CRISP2: variants seen among roughly 807,000 people sequenced by gnomAD.
CRISP2 encodes cysteine rich secretory protein 2.
A neutral mutation model predicts 31.7 loss-of-function variants in CRISP2; 29 were observed. The observed-to-expected ratio is 0.92, with a 90% CI of 0.68 to 1.25. The LOEUF (loss-of-function observed/expected upper bound fraction) is 1.25. Among genes scored for constraint, CRISP2 ranks in the 50% most tolerant of loss-of-function variants. CRISP2 has a pLI of 0.00. For synonymous variants in CRISP2, 111 were observed against 101.4 expected (o/e 1.09, Z -0.57); for missense variants, 318 against 286.5 (o/e 1.11, Z -0.79).
downstream of CRISP2, among the ~76,000 whole-genome samples, chr6:49,690,979 G>C (rs1256675106): frequency 6.6e-6 from 1 of 151,308 alleles, no homozygotes; most frequent in African/African-American, 2.4e-5. Flanking sequence ...CCAGTCACTA[G>C]AGTTAGATAA....
intron 2 of CRISP2, 150 bp from the exon 3 acceptor site, chr6:49,711,471 A>C (rs1332308701): frequency 6.6e-6 from 1 of 152,220 alleles, no homozygotes; most frequent in Non-Finnish European, 1.5e-5. Flanking sequence ...CTTCATTGTC[A>C]GTTGTCTGAT....
Position 49,709,276 on chromosome 6 carries a change from A to G in CRISP2, c.-9-71T>C, listed in dbSNP as rs866408860. On this transcript the variant is annotated intron_variant, in intron 3 of 9. Transcript: ENST00000339139. ...AAAACTTCTAAGAGGGGGAATACCA[A>G]TATAATGATCTCGATTATCTCAAAG... 21 of 1,264,598 alleles carry G rather than the reference A, an allele frequency of 1.7e-5. 1 individual carries two copies. The Middle Eastern group carries it at 4.0e-3, about 238-fold the overall frequency. The allele number at this position is 1,264,598 out of a possible 1,614,324, so 78.3% of individuals were successfully genotyped here.
the CRISP2 span, among the ~76,000 whole-genome samples, chr6:49,680,870 G>A: frequency 6.6e-6 from 1 of 151,292 alleles, no homozygotes; most frequent in African/African-American, 2.4e-5. Context: ...GTAAATTTAA[G>A]TTTCCTGTAG....
the CRISP2 span, among the ~76,000 whole-genome samples, chr6:49,680,232 A>G: frequency 2.6e-4 from 40 of 152,210 alleles, no homozygotes; most frequent in East Asian, 7.4e-3. Flanking sequence ...GCTCCCACTT[A>G]TAAGTGAGAA....
chr6:49,707,089 G>T (rs1359566341), intron 4 of CRISP2, among the ~76,000 whole-genome samples: 1 of 151,912 alleles, frequency 6.6e-6, no homozygotes, highest in Non-Finnish European at 1.5e-5. Flanking sequence ...ACACCTTTTT[G>T]CTTTGTAGAT....
downstream of CRISP2, among the ~76,000 whole-genome samples, chr6:49,689,661 G>A (rs1763988954): frequency 6.6e-6 from 1 of 151,792 alleles, no homozygotes; most frequent in African/African-American, 2.4e-5. Context: ...TACATTTTTA[G>A]GAATAAGTTT....
chr6:49,681,747 C>T, the CRISP2 span, among the ~76,000 whole-genome samples: 1 of 152,124 alleles, frequency 6.6e-6, no homozygotes, highest in Non-Finnish European at 1.5e-5. Flanking sequence ...AGGCTGGCCT[C>T]AAACTACTGA....
At chr6:49,693,033 C>T (rs1764176855) in intron 9 of CRISP2, 133 bp from the exon 10 acceptor site, 1 of 826,044 alleles carries the variant, frequency 1.2e-6, no homozygotes, top group Non-Finnish European at 1.9e-6. Context: ...ATGGGTCTTT[C>T]ATGTCTTTAT....
chr6:49,677,972 T>A, the CRISP2 span, among the ~76,000 whole-genome samples: 1 of 152,090 alleles, frequency 6.6e-6, no homozygotes, highest in African/African-American at 2.4e-5. Flanking sequence ...GACTTGCAAC[T>A]CCTACTAAAG....
chr6:49,681,591 A>G, the CRISP2 span, among the ~76,000 whole-genome samples: 2 of 152,226 alleles, frequency 1.3e-5, no homozygotes, highest in East Asian at 1.9e-4. Context: ...ATAAACTATC[A>G]AAAAGAAACA....
chr6:49,682,682 GTC>G, the CRISP2 span, among the ~76,000 whole-genome samples: 3 of 113,744 alleles, frequency 2.6e-5, no homozygotes, highest in South Asian at 2.9e-4. Flanking sequence ...CTCTCTTTCT[GTC>G]TCTTTCTCTT....
intron 4 of CRISP2, among the ~76,000 whole-genome samples, chr6:49,708,896 C>A (rs2127434009): frequency 6.6e-6 from 1 of 152,214 alleles, no homozygotes; most frequent in East Asian, 1.9e-4. Context: ...CCTGTTCAAA[C>A]CTCATTTCAA....
At chr6:49,683,694 A>AAATATATATATAT in the CRISP2 span, among the ~76,000 whole-genome samples, 1 of 6,182 alleles carries the variant, frequency 1.6e-4, no homozygotes, top group Non-Finnish European at 3.8e-4. Flanking sequence ...AAAAAAAAAA[A>AAATATATATATAT]ATATATATAT....
intron 7 of CRISP2, 23 bp from the exon 8 acceptor site, chr6:49,697,980 A>C: frequency 2.0e-6 from 3 of 1,526,160 alleles, no homozygotes; most frequent in Non-Finnish European, 2.7e-6. Context: ...AATGGAATAA[A>C]TATATAAAAG....
chr6:49,683,083 G>A, the CRISP2 span, among the ~76,000 whole-genome samples: 2 of 151,686 alleles, frequency 1.3e-5, no homozygotes, highest in East Asian at 2.0e-4. Context: ...GCTTGAACCC[G>A]GAAGGCAGAG....
intron 4 of CRISP2, among the ~76,000 whole-genome samples, chr6:49,701,891 A>C (rs1765969650): frequency 1.6e-5 from 1 of 60,688 alleles, no homozygotes; most frequent in East Asian, 5.0e-4. Flanking sequence ...TATATTATAT[A>C]TTATTATATA....
Position 49,698,261 on chromosome 6 carries a change from G to A in CRISP2, c.417+101C>T, listed in dbSNP as rs550662272. The A allele has an allele frequency of 4.1e-5, 56 of 1,354,262 alleles. No homozygotes were observed. In the East Asian group the frequency reaches 5.4e-4, roughly 13 times the overall value. The allele number at this position is 1,354,262 out of a possible 1,614,324, so 83.9% of individuals were successfully genotyped here. A position where few individuals can be genotyped will look rare whatever the true frequency, so the allele number is the denominator to read the frequency against. Reference sequence around the variant, plus strand: ...TGCCAAGACTGTATTCTACCCACTCGGACTGTTCTCCTAAATTGAACATTA... The same window carrying A: ...TGCCAAGACTGTATTCTACCCACTCAGACTGTTCTCCTAAATTGAACATTA... On this transcript the variant is annotated intron_variant, in intron 7 of 9. Coordinates refer to ENST00000339139, the MANE Select transcript of CRISP2 (RefSeq NM_003296.4).
At position 49,700,663 on chromosome 6, in the gene CRISP2, C is replaced by T. The variant is rs145601594; in HGVS notation, c.183+5G>A. ...CACCCATCTCCTTACAGCACTGCCT[C>T]TTACCATCTTTAGCATGTTACTGGC... On this transcript the variant is annotated splice_donor_5th_base_variant and intron_variant, in intron 5 of 9. Transcript: ENST00000339139. 524 of 1,574,552 alleles carry T rather than the reference C, an allele frequency of 3.3e-4. 3 individuals are homozygous for T. In the African/African-American group the frequency reaches 6.0e-3, roughly 18 times the overall value.
At chr6:49,700,544 A>G in intron 5 of CRISP2, 124 bp downstream of exon 5, 3 of 707,598 alleles carry the variant, frequency 4.2e-6, no homozygotes, top group Non-Finnish European at 7.6e-6. Context: ...TAATGGTTCA[A>G]ATAAAATAAC....
Sources: gnomAD v4.1 joint callset for allele counts (sites outside exome capture counted in the v4.1 genomes callset) on GRCh38, gnomAD v4.1.1 for gene constraint, MANE v1.5 for transcripts, NCBI Gene and HGNC (gene_info 2026-07-23, HGNC 2026-07-21) for gene names.